Variants in CNTNAP5 observed in about 807,000 individuals in gnomAD.
CNTNAP5 encodes the protein contactin associated protein family member 5, also known as contactin-associated protein-like 5.
A neutral mutation model predicts 150.2 loss-of-function variants in CNTNAP5; 72 were observed. That is an observed-to-expected ratio of 0.48 (90% CI 0.40 to 0.58). The LOEUF is 0.58. Among genes scored for constraint, CNTNAP5 ranks in the 20% least tolerant of loss-of-function variants. The probability of loss-of-function intolerance (pLI) is 0.00; values close to 1 mark genes in which losing one functional copy is unlikely to be tolerated. For synonymous variants in CNTNAP5, 672 were observed against 619.8 expected (o/e 1.08, Z -1.25); for missense variants, 1,636 against 1,626.2 (o/e 1.01, Z -0.10).
At chr2:124,685,967 A>G (rs1679186057) in intron 13 of CNTNAP5, among the ~76,000 whole-genome samples, 1 of 151,984 alleles carries the variant, frequency 6.6e-6, no homozygotes, top group South Asian at 2.1e-4. Flanking sequence ...CATCTTCACA[A>G]TTTTATTATG....
intron 19 of CNTNAP5, among the ~76,000 whole-genome samples, chr2:124,806,506 A>ATTCTGTGGGTCTCTGTAGAGCTGGCT (rs1682083586): frequency 6.6e-6 from 1 of 151,644 alleles, no homozygotes; most frequent in Admixed American, 6.6e-5. Context: ...TAGAGCTGGC[A>ATTCTGTGGGTCTCTGTAGAGCTGGCT]TTCTGTGGCT....
chr2:124,183,342 T>C (rs1401320030), intron 1 of CNTNAP5, among the ~76,000 whole-genome samples: 5 of 152,232 alleles, frequency 3.3e-5, no homozygotes, highest in Admixed American at 1.3e-4. Context: ...AATTATTTTA[T>C]GGTAATCTTA....
At chr2:124,231,865 C>T (rs1024806813) in intron 2 of CNTNAP5, among the ~76,000 whole-genome samples, 1 of 152,134 alleles carries the variant, frequency 6.6e-6, no homozygotes, top group Non-Finnish European at 1.5e-5. Context: ...ATTGCAAAAC[C>T]ACATGATGAG....
At chr2:124,412,751 A>G (rs1215952563) in intron 3 of CNTNAP5, among the ~76,000 whole-genome samples, 1 of 109,676 alleles carries the variant, frequency 9.1e-6, no homozygotes, top group Non-Finnish European at 1.8e-5. Context: ...AAAGATTTAA[A>G]CGTTAGACCT....
chr2:124,722,059 T>C (rs1193279346), intron 13 of CNTNAP5, among the ~76,000 whole-genome samples: 3 of 151,976 alleles, frequency 2.0e-5, no homozygotes. Flanking sequence ...AACAGTCCTG[T>C]TTTACCTTCA....
chr2:124,914,205 C>T lies in CNTNAP5; in HGVS notation c.3841C>T (p.Pro1281Ser), dbSNP rs774584351. The change falls in exon 24 of 24, where the codon CCA (proline) becomes TCA (serine). Residue 1281 changes from proline to serine, a missense_variant. Coordinates refer to ENST00000682447, the MANE Select transcript of CNTNAP5 (RefSeq NM_001367498.1). The stretch of plus-strand genomic sequence containing the variant: ...GAGCCAGATGAAGGAGAAGGAATAT[C>T]CAGAAAATTTGGACAGTTCCTTCAG... ...RTSQMKEKEYPENLDSSFRNE... is the reference protein window; with the variant it reads ...RTSQMKEKEYSENLDSSFRNE... The T allele has an allele frequency of 2.5e-6, 4 of 1,612,274 alleles. No homozygotes were observed. Among genetic ancestry groups the T allele is most frequent in the Non-Finnish European group, 3.4e-6 (4 of 1,178,878 alleles).
chr2:124,659,353 C>A (rs1270189628), intron 13 of CNTNAP5, among the ~76,000 whole-genome samples: 2 of 151,796 alleles, frequency 1.3e-5, no homozygotes, highest in Admixed American at 6.6e-5. Context: ...GATTTCACAG[C>A]GAAGATATGA....
At chr2:124,476,698 T>C (rs1177601729) in intron 7 of CNTNAP5, among the ~76,000 whole-genome samples, 2 of 152,136 alleles carry the variant, frequency 1.3e-5, no homozygotes, top group Non-Finnish European at 2.9e-5. Context: ...CCCAGATTGA[T>C]CTTCCCATAT....
rs185133270 is a variant in CNTNAP5, at chr2:124,050,660, A to G, written c.82+24928A>G. Among the ~76,000 whole-genome samples, 379 of 152,178 alleles carry G rather than the reference A, an allele frequency of 2.5e-3. 1 individual carries two copies. Among genetic ancestry groups the G allele is most frequent in the African/African-American group, 8.6e-3 (356 of 41,546 alleles). On this transcript the variant is annotated intron_variant, in intron 1 of 23. Transcript: ENST00000682447. ...TCTGTGTGCTGCAGTCCCTCCTTAC[A>G]TGGTACCTTTGACACACTGGCAGGT...
At chr2:124,751,060 T>C (rs1680716742) in intron 14 of CNTNAP5, among the ~76,000 whole-genome samples, 1 of 151,232 alleles carries the variant, frequency 6.6e-6, no homozygotes, top group Admixed American at 6.6e-5. Flanking sequence ...ATACATGGGT[T>C]TAAAAAATCT....
chr2:124,516,510 G>A (rs768214615), intron 8 of CNTNAP5, among the ~76,000 whole-genome samples: 5 of 152,156 alleles, frequency 3.3e-5, no homozygotes, highest in African/African-American at 7.2e-5. Flanking sequence ...CTAAATTTCC[G>A]GAAATTTTTA....
intron 3 of CNTNAP5, among the ~76,000 whole-genome samples, chr2:124,334,334 G>A (rs1689420095): frequency 6.6e-6 from 1 of 152,126 alleles, no homozygotes; most frequent in South Asian, 2.1e-4. Flanking sequence ...AGAAAGAAGT[G>A]GAGGCATCAG....
At chr2:124,843,598 G>A (rs1331960435) in intron 19 of CNTNAP5, among the ~76,000 whole-genome samples, 3 of 152,048 alleles carry the variant, frequency 2.0e-5, no homozygotes, top group South Asian at 2.1e-4. Context: ...GTTTTTCATA[G>A]CGGTTGCACT....
At chr2:124,545,763 C>G (rs1695497512) in intron 10 of CNTNAP5, among the ~76,000 whole-genome samples, 1 of 152,052 alleles carries the variant, frequency 6.6e-6, no homozygotes, top group South Asian at 2.1e-4. Context: ...CCAGGACACT[C>G]TTCAAAGCTA....
chr2:124,726,508 G>A (rs1435357509), intron 13 of CNTNAP5, among the ~76,000 whole-genome samples: 1 of 152,060 alleles, frequency 6.6e-6, no homozygotes. Flanking sequence ...GAGGAACTGT[G>A]AGTCAATTAA....
At chr2:124,674,292 A>G (rs1315110809) in intron 13 of CNTNAP5, among the ~76,000 whole-genome samples, 1 of 151,762 alleles carries the variant, frequency 6.6e-6, no homozygotes. Flanking sequence ...CTAAGTTTTT[A>G]AGGCTAAAGG....
chr2:124,339,355 G>A (rs560844798), intron 3 of CNTNAP5, among the ~76,000 whole-genome samples: 1 of 152,206 alleles, frequency 6.6e-6, no homozygotes, highest in East Asian at 1.9e-4. Context: ...CAAGAGTGTA[G>A]TATAATTAAA....
chr2:124,918,368 C>A lies in CNTNAP5; in HGVS notation c.*4080C>A, dbSNP rs528148665. On this transcript the variant is annotated 3_prime_UTR_variant, in exon 24 of 24. Coordinates refer to ENST00000682447, the MANE Select transcript of CNTNAP5 (RefSeq NM_001367498.1). The stretch of plus-strand genomic sequence containing the variant: ...CTGAACCTAACTGAAGTCTACCCTT[C>A]CATCAGTAATTGACTAAAAAAATGT... Among the ~76,000 whole-genome samples the A allele has an allele frequency of 6.6e-6, 1 of 152,042 alleles. No individual in the cohort carries two copies. Among genetic ancestry groups the A allele is most frequent in the East Asian group, 1.9e-4 (1 of 5,158 alleles).
intron 3 of CNTNAP5, among the ~76,000 whole-genome samples, chr2:124,295,475 GT>G (rs542826943): frequency 3.2e-3 from 465 of 147,484 alleles, no homozygotes; most frequent in Middle Eastern, 0.027. Context: ...TATGGCAGTG[GT>G]TACTGAGGAC....
Sources: allele counts gnomAD v4.1 joint callset (sites outside exome capture counted in the v4.1 genomes callset), GRCh38; gene constraint gnomAD v4.1.1; transcripts MANE v1.5; gene names NCBI Gene and HGNC (gene_info 2026-07-23, HGNC 2026-07-21).